BTD: variants seen among roughly 807,000 people sequenced by gnomAD.
BTD encodes biocytinase.
Under a neutral mutation model 17.7 loss-of-function variants are expected in BTD, and 13 were observed. The observed-to-expected ratio is 0.74, with a 90% CI of 0.48 to 1.17. The LOEUF is 1.17. Among genes scored for constraint, BTD ranks in the 50% most tolerant of loss-of-function variants. BTD has a pLI of 0.00. For synonymous variants in BTD, 240 were observed against 245.2 expected, an observed-to-expected ratio of 0.98 and a Z score of 0.20; for missense variants, 674 against 650.4, an observed-to-expected ratio of 1.04 and a Z score of -0.39.
At chr3:15,644,271 A>G (rs1219582618) in intron 3 of BTD, 45 bp from the exon 4 acceptor site, 2 of 1,579,692 alleles carry the variant, frequency 1.3e-6, no homozygotes, top group Admixed American at 3.6e-5. Flanking sequence ...CAGTGCTGGG[A>G]TTACAGGCAA....
chr3:15,721,822 G>A (rs959154964), exon 5 of BTD, among the ~76,000 whole-genome samples: 1 of 152,058 alleles, frequency 6.6e-6, no homozygotes, highest in Non-Finnish European at 1.5e-5. Context: ...TCAGCTCACC[G>A]AAACCTCTGC....
At chr3:15,697,894 T>C (rs2455816) in intron 3 of BTD, among the ~76,000 whole-genome samples, 71,478 of 152,086 alleles carry the variant, frequency 0.47, 19,719 homozygotes, top group Middle Eastern at 0.6. Flanking sequence ...CTATTAATTA[T>C]TGCCTCAATT....
At chr3:15,601,718 A>G, upstream of BTD, 1 of 1,567,334 alleles carries the variant, frequency 6.4e-7, no homozygotes, top group African/African-American at 1.3e-5. Flanking sequence ...TTCGCGCGCC[A>G]GAATGCCAGA....
chr3:15,649,472 A>G lies in BTD; in HGVS notation c.*3984A>G, dbSNP rs761575615. 2.0e-5 allele frequency among the ~76,000 whole-genome samples: 3 copies of G among 152,310 alleles called. No individual in the cohort carries two copies. Among genetic ancestry groups the G allele is most frequent in the Non-Finnish European group, 4.4e-5 (3 of 68,030 alleles). On this transcript the variant is annotated 3_prime_UTR_variant, in exon 4 of 4. Transcript: ENST00000643237. The stretch of plus-strand genomic sequence containing the variant: ...TGCAGGTGGGCTGCCACTCTGCTCA[A>G]TCCAAATCACAGCTCTCCCGTTTCT...
At chr3:15,681,790 C>T (rs1239328469) in intron 3 of BTD, among the ~76,000 whole-genome samples, 4 of 152,164 alleles carry the variant, frequency 2.6e-5, no homozygotes, top group Non-Finnish European at 4.4e-5. Flanking sequence ...TGCCTACAGA[C>T]ATTTTTGTTT....
intron 1 of BTD, among the ~76,000 whole-genome samples, chr3:15,627,362 A>G (rs772519184): frequency 3.2e-4 from 49 of 152,340 alleles, no homozygotes; most frequent in Non-Finnish European, 4.7e-4. Flanking sequence ...AGCTAGGACT[A>G]CAAGTGCATG....
intron 1 of BTD, among the ~76,000 whole-genome samples, chr3:15,620,837 A>C (rs2125393402): frequency 6.6e-6 from 1 of 152,266 alleles, no homozygotes; most frequent in South Asian, 2.1e-4. Flanking sequence ...ATATAGAGAG[A>C]TATACGAAAG....
intron 3 of BTD, among the ~76,000 whole-genome samples, chr3:15,666,221 C>T (rs2065986973): frequency 6.6e-6 from 1 of 152,150 alleles, no homozygotes; most frequent in African/African-American, 2.4e-5. Flanking sequence ...ATGAGGGGAA[C>T]TTACATAATT....
rs1221997758 is a variant in BTD, at chr3:15,652,636, G to T, written c.*7148G>T. Among the ~76,000 whole-genome samples, 1 of 152,180 alleles carries T rather than the reference G, an allele frequency of 6.6e-6. No individual in the cohort carries two copies. Among genetic ancestry groups the T allele is most frequent in the Non-Finnish European group, 1.5e-5 (1 of 68,038 alleles). Reference sequence around the variant, plus strand: ...AAACTATAAAATATAAATGTGTGTTGTTTTAAAATCCTAGGTTTTGAGGTA... The same window carrying T: ...AAACTATAAAATATAAATGTGTGTTTTTTTAAAATCCTAGGTTTTGAGGTA... On this transcript the variant is annotated 3_prime_UTR_variant, in exon 4 of 4. Coordinates refer to ENST00000643237, the MANE Select transcript of BTD (RefSeq NM_001370658.1).
chr3:15,689,877 G>A, intron 3 of BTD: 2 of 682,804 alleles, frequency 2.9e-6, no homozygotes, highest in Non-Finnish European at 4.8e-6. Flanking sequence ...GTTATTTGGT[G>A]AGGTCAAATA....
intron 3 of BTD, among the ~76,000 whole-genome samples, chr3:15,691,733 G>A (rs2068829621): frequency 6.6e-6 from 1 of 152,128 alleles, no homozygotes. Context: ...ACTGTTTTAG[G>A]ATTACATCTA....
At chr3:15,684,229 G>C (rs1459429118) in intron 3 of BTD, 2 of 152,132 alleles carry the variant, frequency 1.3e-5, no homozygotes, top group Non-Finnish European at 2.9e-5. Flanking sequence ...ATTTTAATTA[G>C]TGGCATTTCA....
intron 2 of BTD, among the ~76,000 whole-genome samples, chr3:15,638,822 C>T (rs1385227384): frequency 6.6e-6 from 1 of 152,194 alleles, no homozygotes; most frequent in African/African-American, 2.4e-5. Context: ...ACCTTTACAG[C>T]ATATTACTGT....
chr3:15,708,194 T>C (rs779102059), intron 3 of BTD: 2 of 1,053,554 alleles, frequency 1.9e-6, no homozygotes, highest in Non-Finnish European at 2.7e-6. Context: ...TACCATATAC[T>C]AAGTCTTGCG....
chr3:15,676,058 TGTCA>T (rs755916536), intron 3 of BTD: 9 of 1,311,750 alleles, frequency 6.9e-6, no homozygotes, highest in Admixed American at 6.7e-5. Flanking sequence ...CACACCTGGC[TGTCA>T]AAGAGCATTT....
chr3:15,693,376 C>T (rs577260407), intron 3 of BTD, among the ~76,000 whole-genome samples: 2 of 151,700 alleles, frequency 1.3e-5, no homozygotes, highest in East Asian at 1.9e-4. Context: ...ATGTATAGCA[C>T]ACTGTTAACT....
chr3:15,645,588 C>A lies in BTD; in HGVS notation c.*100C>A. 1 of 1,387,298 alleles carries A rather than the reference C, an allele frequency of 7.2e-7. No homozygotes were observed. Among genetic ancestry groups the A allele is most frequent in the Non-Finnish European group, 9.9e-7 (1 of 1,013,664 alleles). 85.9% of individuals were successfully genotyped at this position (1,387,298 alleles called of 1,614,324 possible). A position where few individuals can be genotyped will look rare whatever the true frequency, so the allele number is the denominator to read the frequency against. On this transcript the variant is annotated 3_prime_UTR_variant, in exon 4 of 4. Coordinates refer to ENST00000643237, the MANE Select transcript of BTD (RefSeq NM_001370658.1). ...TGGGACCATCTTTCTGCCTTAAGGGCAGGAGCCCACTTCTGTGGCACCAGA... is the reference window on the plus strand; with the variant it reads ...TGGGACCATCTTTCTGCCTTAAGGGAAGGAGCCCACTTCTGTGGCACCAGA...
chr3:15,695,505 C>T (rs368951253), intron 3 of BTD, among the ~76,000 whole-genome samples: 4 of 152,084 alleles, frequency 2.6e-5, no homozygotes, highest in African/African-American at 4.8e-5. Flanking sequence ...TTTATATCTA[C>T]GCTCGTTGAA....
intron 3 of BTD, chr3:15,707,900 C>A: frequency 6.3e-7 from 1 of 1,592,992 alleles, no homozygotes; most frequent in South Asian, 1.1e-5. Flanking sequence ...ATTGATCCTC[C>A]ACTCTCACTC....
Sources: gnomAD v4.1 joint callset for allele counts (sites outside exome capture counted in the v4.1 genomes callset) on GRCh38, gnomAD v4.1.1 for gene constraint, MANE v1.5 for transcripts, NCBI Gene and HGNC (gene_info 2026-07-23, HGNC 2026-07-21) for gene names.